Variants in SLC5A4 observed in about 807,000 individuals in gnomAD.
SLC5A4 encodes probable glucose sensor protein SLC5A4.
Under a neutral mutation model 70.3 loss-of-function variants are expected in SLC5A4, and 55 were observed. The observed-to-expected ratio is 0.78, with a 90% CI of 0.63 to 0.98. The LOEUF is 0.98. Ranked by LOEUF, SLC5A4 falls within the 50% of genes least tolerant of loss-of-function variation. The pLI is 0.00. For missense variants in SLC5A4, 735 were observed against 839.2 expected (o/e 0.88, Z 1.53); for synonymous variants, 268 against 305.7 (o/e 0.88, Z 1.29).
the SLC5A4 span, among the ~76,000 whole-genome samples, chr22:32,297,348 T>G: frequency 6.6e-6 from 1 of 151,486 alleles, no homozygotes; most frequent in Non-Finnish European, 1.5e-5. Flanking sequence ...ATTGGTCTAT[T>G]CAGAGATTCA....
the SLC5A4 span, among the ~76,000 whole-genome samples, chr22:32,310,035 C>T: frequency 1.6e-4 from 21 of 129,454 alleles, no homozygotes; most frequent in Admixed American, 3.4e-4. Flanking sequence ...CCTGAAAAGA[C>T]CTCTGGGTGG....
At chr22:32,225,481 C>T (rs1394863757) in intron 12 of SLC5A4, among the ~76,000 whole-genome samples, 174 bp downstream of exon 12, 16 of 152,082 alleles carry the variant, frequency 1.1e-4, no homozygotes, top group Non-Finnish European at 5.9e-5. Context: ...TATGAATGTG[C>T]GCTATATTTT....
chr22:32,272,387 C>T, the SLC5A4 span: 3 of 905,194 alleles, frequency 3.3e-6, no homozygotes, highest in Non-Finnish European at 5.4e-6. Context: ...AGCCTGCGGG[C>T]CAGCGAGCTG....
chr22:32,308,069 C>T, the SLC5A4 span, among the ~76,000 whole-genome samples: 1 of 152,042 alleles, frequency 6.6e-6, no homozygotes, highest in South Asian at 2.1e-4. Context: ...TCCTTCCTTC[C>T]TTCTTACCTA....
At chr22:32,342,350 T>C in the SLC5A4 span, among the ~76,000 whole-genome samples, 1 of 152,092 alleles carries the variant, frequency 6.6e-6, no homozygotes, top group Non-Finnish European at 1.5e-5. Context: ...CTGTAACTAA[T>C]AATGATGGAA....
intron 7 of SLC5A4, among the ~76,000 whole-genome samples, chr22:32,236,727 T>C (rs192074437): frequency 0.02 from 2,967 of 150,356 alleles, 94 homozygotes; most frequent in African/African-American, 0.064. Context: ...TTTTTTGAGA[T>C]GGAGTCTCGC....
At chr22:32,308,699 G>A in the SLC5A4 span, among the ~76,000 whole-genome samples, 1 of 147,940 alleles carries the variant, frequency 6.8e-6, no homozygotes, top group East Asian at 2.2e-4. Context: ...ACTGTCAGCT[G>A]CCTACTTGCT....
chr22:32,330,890 TG>T, the SLC5A4 span, among the ~76,000 whole-genome samples: 1 of 104,164 alleles, frequency 9.6e-6, no homozygotes, highest in Non-Finnish European at 1.9e-5. Context: ...GTAGGAGTGT[TG>T]GGGGCTCTCC....
At chr22:32,326,309 G>GA in the SLC5A4 span, among the ~76,000 whole-genome samples, 464 of 148,636 alleles carry the variant, frequency 3.1e-3, 1 homozygote, top group Non-Finnish European at 4.5e-3. Context: ...CTGTCGCCCA[G>GA]GCAATGGCAC....
the SLC5A4 span, among the ~76,000 whole-genome samples, chr22:32,310,701 C>A: frequency 6.6e-6 from 1 of 152,242 alleles, no homozygotes; most frequent in East Asian, 1.9e-4. Context: ...CACAGCTGAC[C>A]TGTGTGACCC....
chr22:32,244,816 C>A (rs952514414), intron 5 of SLC5A4, among the ~76,000 whole-genome samples: 8 of 152,186 alleles, frequency 5.3e-5, no homozygotes, highest in Admixed American at 1.3e-4. Flanking sequence ...AGGCAGAAGT[C>A]ACTGGGCTCA....
the SLC5A4 span, chr22:32,269,948 G>A: frequency 1.9e-6 from 1 of 533,282 alleles, no homozygotes; most frequent in Non-Finnish European, 3.7e-6. This position sits in a 1 kb window ranked among gnomAD's most constrained non-coding sequence, Gnocchi z 4.1. Flanking sequence ...ATGGAGCCTG[G>A]GTACCTGTTC....
chr22:32,331,437 A>G, the SLC5A4 span, among the ~76,000 whole-genome samples: 30 of 152,260 alleles, frequency 2.0e-4, no homozygotes, highest in African/African-American at 7.2e-4. Flanking sequence ...CCTGGTCTCC[A>G]GGAAATACCA....
the SLC5A4 span, among the ~76,000 whole-genome samples, chr22:32,290,407 T>C: frequency 6.6e-6 from 1 of 152,202 alleles, no homozygotes; most frequent in Non-Finnish European, 1.5e-5. Flanking sequence ...TCCTTGTCCC[T>C]GGGGTTTTCT....
the SLC5A4 span, among the ~76,000 whole-genome samples, chr22:32,346,100 T>C: frequency 1.3e-5 from 2 of 152,186 alleles, no homozygotes; most frequent in Non-Finnish European, 2.9e-5. Flanking sequence ...GCTCCATCTA[T>C]CAGGGAACAA....
chr22:32,291,132 T>C, the SLC5A4 span, among the ~76,000 whole-genome samples: 2 of 152,024 alleles, frequency 1.3e-5, no homozygotes, highest in African/African-American at 4.8e-5. Flanking sequence ...CTCTGTGTTA[T>C]GTTTATTTTC....
chr22:32,226,610 C>G (rs2123876219), intron 11 of SLC5A4, among the ~76,000 whole-genome samples: 1 of 152,296 alleles, frequency 6.6e-6, no homozygotes, highest in Admixed American at 6.5e-5. Flanking sequence ...ATGTGATAAA[C>G]TATGGGAAGT....
the SLC5A4 span, among the ~76,000 whole-genome samples, chr22:32,278,562 A>T: frequency 5.9e-5 from 9 of 152,172 alleles, no homozygotes; most frequent in Non-Finnish European, 1.0e-4. Flanking sequence ...ATAAAAATGG[A>T]TCTTTAAGTT....
Position 32,225,661 on chromosome 22 carries a change from A to G in SLC5A4, c.1443T>C (p.Asn481=), listed in dbSNP as rs1252738342. The G allele has an allele frequency of 5.0e-6, 8 of 1,607,618 alleles. No homozygotes were observed. The highest frequency in any genetic ancestry group is 6.8e-6 in the Non-Finnish European group (8 of 1,177,638). Residue 481 remains asparagine, a synonymous_variant, in exon 12 of 15, where the codon AAT becomes AAC. Coordinates refer to ENST00000266086, the MANE Select transcript of SLC5A4 (RefSeq NM_014227.3). ...FVLAIFCKRV[N]EQGAFWGLMV... Reference sequence around the variant, plus strand: ...TTTTCCAGTTTTCACTCACCTGTTCATTGACTCTTTTACAGAAGATGGCAA... The same window carrying G: ...TTTTCCAGTTTTCACTCACCTGTTCGTTGACTCTTTTACAGAAGATGGCAA...
Sources: gnomAD v4.1 joint callset for allele counts (sites outside exome capture counted in the v4.1 genomes callset) on GRCh38, gnomAD v4.1.1 for gene constraint, Gnocchi (gnomAD v3.1) non-coding constraint, MANE v1.5 for transcripts, NCBI Gene and HGNC (gene_info 2026-07-23, HGNC 2026-07-21) for gene names.